The following C12orf42 variants were observed in gnomAD, a reference collection of about 807,000 sequenced individuals.
C12orf42 encodes chromosome 12 open reading frame 42, also known as uncharacterized protein C12orf42.
C12orf42 carries 25 observed loss-of-function variants against 21.6 expected under a neutral mutation model. The observed-to-expected ratio is 1.16, with a 90% CI of 0.84 to 1.62. The LOEUF is 1.62. C12orf42 is among the 40% of genes most tolerant of loss of function. The pLI is 0.00. For missense variants in C12orf42, 483 were observed against 459.3 expected (o/e 1.05, Z -0.47); for synonymous variants, 174 against 175.0 (o/e 0.99, Z 0.05).
intron 2 of C12orf42, among the ~76,000 whole-genome samples, chr12:103,445,328 C>A (rs1471254671): frequency 6.6e-6 from 1 of 152,036 alleles, no homozygotes; most frequent in African/African-American, 2.4e-5. Context: ...AGAGGAAAAA[C>A]AGTTTTTTCA....
chr12:103,490,826 T>A (rs1593020301), intron 1 of C12orf42, among the ~76,000 whole-genome samples: 1 of 152,094 alleles, frequency 6.6e-6, no homozygotes, highest in East Asian at 1.9e-4. Flanking sequence ...TTTAATAGAA[T>A]TCCCATATGA....
rs575077039 is a variant in C12orf42 at position 103,490,975 on chromosome 12, A to G, written c.-22+4927T>C. Reference sequence around the variant, plus strand: ...TGCATAGGGTTTTTAGAACATTAGCATCTATATGCCTGCATAAAATTGTTG... The same window carrying G: ...TGCATAGGGTTTTTAGAACATTAGCGTCTATATGCCTGCATAAAATTGTTG... On this transcript the variant is annotated intron_variant, in intron 1 of 5. Coordinates refer to ENST00000548883, the MANE Select transcript of C12orf42 (RefSeq NM_198521.5). 3.3e-5 allele frequency among the ~76,000 whole-genome samples: 5 copies of G among 152,270 alleles called. No individual in the cohort carries two copies. The East Asian group carries it at 9.6e-4, about 29-fold the overall frequency.
At chr12:103,312,485 T>C (rs1238233677) in intron 4 of C12orf42, among the ~76,000 whole-genome samples, 2 of 152,208 alleles carry the variant, frequency 1.3e-5, no homozygotes, top group African/African-American at 4.8e-5. Context: ...GGTCAAGCAC[T>C]CTCTAAATTG....
chr12:103,345,008 T>C (rs2042492684), intron 4 of C12orf42, among the ~76,000 whole-genome samples: 1 of 152,208 alleles, frequency 6.6e-6, no homozygotes, highest in Non-Finnish European at 1.5e-5. Flanking sequence ...CTTCAGCTTT[T>C]GCCTGACTTT....
the C12orf42 span, among the ~76,000 whole-genome samples, chr12:103,180,176 G>T: frequency 2.6e-5 from 4 of 151,968 alleles, no homozygotes; most frequent in East Asian, 7.7e-4. Flanking sequence ...GGTGGGAGGA[G>T]TCAGCAAAAA....
At chr12:103,121,524 G>A in the C12orf42 span, among the ~76,000 whole-genome samples, 8 of 152,308 alleles carry the variant, frequency 5.3e-5, no homozygotes, top group East Asian at 1.9e-4. Flanking sequence ...TGTGCCATTT[G>A]GGCATGGAAG....
intron 3 of C12orf42, among the ~76,000 whole-genome samples, chr12:103,401,300 A>T (rs143348435): frequency 6.6e-6 from 1 of 152,184 alleles, no homozygotes; most frequent in East Asian, 1.9e-4. Flanking sequence ...TGTTGGCCAC[A>T]TACAGGCACT....
chr12:103,322,115 GCGCGCGCGCGCACACACA>G (rs2040216481), intron 4 of C12orf42, among the ~76,000 whole-genome samples: 1 of 95,728 alleles, frequency 1.0e-5, no homozygotes. Context: ...GCGTGCGTGC[GCGCGCGCGCGCACACACA>G]CACACACACA....
At chr12:103,374,328 G>C (rs1307764989) in intron 3 of C12orf42, among the ~76,000 whole-genome samples, 1 of 152,136 alleles carries the variant, frequency 6.6e-6, no homozygotes, top group Admixed American at 6.6e-5. Context: ...TCCATTGGCT[G>C]CTTGGATTGG....
chr12:103,305,514 AC>A (rs1381076162), intron 5 of C12orf42, among the ~76,000 whole-genome samples: 2 of 152,154 alleles, frequency 1.3e-5, no homozygotes, highest in Non-Finnish European at 2.9e-5. Context: ...CACAGTCAAA[AC>A]TTATCCCTTC....
At chr12:103,460,282 AAGAGAG>A (rs10535662) in intron 2 of C12orf42, among the ~76,000 whole-genome samples, 12 of 143,202 alleles carry the variant, frequency 8.4e-5, no homozygotes, top group African/African-American at 1.8e-4. Flanking sequence ...AAAAAAAAAA[AAGAGAG>A]AGAGAGAGAG....
chr12:103,445,436 C>CT (rs1951518008), intron 2 of C12orf42, among the ~76,000 whole-genome samples: 1 of 151,962 alleles, frequency 6.6e-6, no homozygotes, highest in African/African-American at 2.4e-5. Flanking sequence ...TCCATTTACT[C>CT]TTTTTTGGGT....
At position 103,324,826 on chromosome 12, in the gene C12orf42, G is replaced by A. The variant is rs116704854; in HGVS notation, c.260-18481C>T. ...ACTGCAGTGGCAGATGATCCATGGG[G>A]CTGCAGAGCTCCTGTTTCCCTTGCT... On this transcript the variant is annotated intron_variant, in intron 4 of 5. Transcript: ENST00000548883. Among the ~76,000 whole-genome samples the A allele has an allele frequency of 8.6e-3, 1,303 of 152,290 alleles. 11 individuals carry two copies. The highest frequency in any genetic ancestry group is 0.03 in the African/African-American group (1,237 of 41,564).
chr12:103,158,871 C>A, the C12orf42 span, among the ~76,000 whole-genome samples: 149 of 106,618 alleles, frequency 1.4e-3, no homozygotes, highest in Non-Finnish European at 2.0e-3. Flanking sequence ...AAGAGCAAGA[C>A]TCAAAAAAAA....
chr12:103,227,304 G>C, the C12orf42 span, among the ~76,000 whole-genome samples: 2 of 151,840 alleles, frequency 1.3e-5, no homozygotes, highest in African/African-American at 2.4e-5. Context: ...AGGGTGCAGA[G>C]ATATAAGAGG....
chr12:103,474,512 T>C (rs4597156), intron 2 of C12orf42, among the ~76,000 whole-genome samples: 91,293 of 151,572 alleles, frequency 0.6, 28,384 homozygotes, highest in Admixed American at 0.7. Flanking sequence ...TCAAGAATAA[T>C]TCATCAAAAA....
At chr12:103,206,451 A>G in the C12orf42 span, among the ~76,000 whole-genome samples, 1 of 152,098 alleles carries the variant, frequency 6.6e-6, no homozygotes, top group African/African-American at 2.4e-5. Context: ...GCAATGTTCT[A>G]TATTTTGAGT....
At chr12:103,168,178 A>G in the C12orf42 span, 2 of 436,218 alleles carry the variant, frequency 4.6e-6, no homozygotes, top group Admixed American at 2.5e-5. Flanking sequence ...GATTCCTCCC[A>G]CTTTTCTTCT....
At chr12:103,127,630 A>G in the C12orf42 span, among the ~76,000 whole-genome samples, 2 of 152,132 alleles carry the variant, frequency 1.3e-5, no homozygotes, top group Non-Finnish European at 2.9e-5. Context: ...ATCTGAGGAC[A>G]TATTTTGTTT....
Sources: gnomAD v4.1 joint callset for allele counts (sites outside exome capture counted in the v4.1 genomes callset) on GRCh38, gnomAD v4.1.1 for gene constraint, MANE v1.5 for transcripts, NCBI Gene and HGNC (gene_info 2026-07-23, HGNC 2026-07-21) for gene names.